The following WLS variants were observed in gnomAD, a reference collection of about 807,000 sequenced individuals.
WLS encodes protein wntless homolog.
WLS carries 23 observed loss-of-function variants against 62.8 expected under a neutral mutation model. That is an observed-to-expected ratio of 0.37 (90% CI 0.26 to 0.52). WLS has a LOEUF of 0.52. Among genes scored for constraint, WLS ranks in the 20% least tolerant of loss-of-function variants. The probability of loss-of-function intolerance (pLI) is 0.92; values close to 1 mark genes in which losing one functional copy is unlikely to be tolerated. For missense variants in WLS, 615 were observed against 697.3 expected, an observed-to-expected ratio of 0.88 and a Z score of 1.33; for synonymous variants, 246 against 244.1, an observed-to-expected ratio of 1.01 and a Z score of -0.07.
intron 2 of WLS, among the ~76,000 whole-genome samples, chr1:68,170,219 G>A (rs1448880095): frequency 7.2e-6 from 1 of 139,428 alleles, no homozygotes; most frequent in African/African-American, 2.7e-5. Context: ...AGGCTGGAGT[G>A]CAATGGCACG....
chr1:68,105,346 A>C (rs1646129048), intron 11 of WLS, among the ~76,000 whole-genome samples: 1 of 152,206 alleles, frequency 6.6e-6, no homozygotes, highest in Non-Finnish European at 1.5e-5. Context: ...TATGCTACTT[A>C]ATTGTTTTAA....
chr1:68,109,174 G>T (rs1214954030), intron 11 of WLS, among the ~76,000 whole-genome samples: 1 of 139,018 alleles, frequency 7.2e-6, no homozygotes, highest in Non-Finnish European at 1.6e-5. Flanking sequence ...TGTTAAAACT[G>T]CAATCAAAAG....
chr1:68,160,071 C>T (rs80236212), intron 2 of WLS, among the ~76,000 whole-genome samples: 311 of 93,518 alleles, frequency 3.3e-3, no homozygotes, highest in East Asian at 5.6e-3. Flanking sequence ...GCAGAGAAGT[C>T]TTTTTTTTTT....
intron 11 of WLS, among the ~76,000 whole-genome samples, chr1:68,135,126 ACTTT>A (rs1646587226): frequency 2.7e-5 from 2 of 74,928 alleles, no homozygotes; most frequent in Non-Finnish European, 6.4e-5. Flanking sequence ...ACAACCATGG[ACTTT>A]CTTTTCTTTT....
intron 11 of WLS, among the ~76,000 whole-genome samples, chr1:68,105,287 T>C (rs991326969): frequency 5.9e-5 from 9 of 152,210 alleles, no homozygotes; most frequent in African/African-American, 1.2e-4. Context: ...CTAACCTGAG[T>C]GCTTATACTT....
At chr1:68,162,225 C>T (rs796691304) in intron 2 of WLS, 1 of 1,488,756 alleles carries the variant, frequency 6.7e-7, no homozygotes, top group South Asian at 1.1e-5. Flanking sequence ...CCCCTCGTAT[C>T]CTGCCCTCCT....
At chr1:68,232,047 G>A (rs1487251592) in intron 1 of WLS, 147 bp downstream of exon 1, 10 of 1,097,290 alleles carry the variant, frequency 9.1e-6, no homozygotes, top group African/African-American at 3.2e-5. Context: ...GGAGCCCCAT[G>A]GAGCTCTGCT....
rs1646179541 is a variant in WLS at position 68,108,649 on chromosome 1, T to C, written c.1511-9896A>G. ...TCACCTTGATTCTTTTGAGATTTTT[T>C]TTCACTGATAATTGAATTTTTAATT... On this transcript the variant is annotated intron_variant, in intron 11 of 11. Coordinates refer to the WLS transcript ENST00000354777. Among the ~76,000 whole-genome samples, 3 of 152,210 alleles carry C rather than the reference T, an allele frequency of 2.0e-5. No homozygotes were observed. The South Asian group carries it at 6.2e-4, about 32-fold the overall frequency.
chr1:68,120,585 C>T (rs1646351515), downstream of WLS, among the ~76,000 whole-genome samples: 1 of 152,238 alleles, frequency 6.6e-6, no homozygotes, highest in Admixed American at 6.5e-5. Flanking sequence ...CTCTGAGTCT[C>T]ACTTCTTGTG....
intron 2 of WLS, chr1:68,162,395 G>A: frequency 6.2e-7 from 1 of 1,613,824 alleles, no homozygotes; most frequent in Non-Finnish European, 8.5e-7. Context: ...CTCTGATACA[G>A]CAAATCCTAC....
At chr1:68,167,071 G>C (rs2116048) in intron 2 of WLS, among the ~76,000 whole-genome samples, 2,196 of 152,252 alleles carry the variant, frequency 0.014, 51 homozygotes, top group African/African-American at 0.05. Context: ...TAGCAGACCT[G>C]GTTCCTTACC....
chr1:68,190,341 T>C (rs1233178537), intron 2 of WLS, among the ~76,000 whole-genome samples: 1 of 152,222 alleles, frequency 6.6e-6, no homozygotes, highest in Non-Finnish European at 1.5e-5. Context: ...GCCTCTAAGA[T>C]GGTCCTTAAT....
chr1:68,208,362 A>G (rs561490039), intron 1 of WLS, among the ~76,000 whole-genome samples: 2 of 151,836 alleles, frequency 1.3e-5, no homozygotes, highest in Non-Finnish European at 2.9e-5. Flanking sequence ...CTGCCCCCCG[A>G]TGAGGATTCA....
At chr1:68,179,084 G>A (rs1011903097) in intron 2 of WLS, among the ~76,000 whole-genome samples, 14 of 152,116 alleles carry the variant, frequency 9.2e-5, no homozygotes, top group Admixed American at 2.6e-4. Flanking sequence ...ACACAAGGTC[G>A]CATGTAACAA....
intron 1 of WLS, among the ~76,000 whole-genome samples, chr1:68,217,363 A>G (rs540169933): frequency 2.6e-5 from 4 of 152,332 alleles, no homozygotes; most frequent in South Asian, 4.1e-4. Context: ...TCGCTACCCA[A>G]TGAACACATA....
intron 11 of WLS, among the ~76,000 whole-genome samples, chr1:68,103,497 T>G (rs1646104833): frequency 6.6e-6 from 1 of 152,220 alleles, no homozygotes; most frequent in Admixed American, 6.5e-5. Flanking sequence ...ATTATGCAGT[T>G]CTTCTCTTCT....
intron 1 of WLS, chr1:68,203,052 T>C (rs1649109326): frequency 6.6e-6 from 1 of 152,268 alleles, no homozygotes; most frequent in Admixed American, 6.5e-5. Flanking sequence ...ACATTTGTTA[T>C]TTAAAATAAT....
chr1:68,202,969 A>G (rs1649105296), intron 1 of WLS: 1 of 152,334 alleles, frequency 6.6e-6, no homozygotes, highest in Admixed American at 6.5e-5. Flanking sequence ...GAAAATACCA[A>G]AATTAAATCT....
intron 1 of WLS, among the ~76,000 whole-genome samples, chr1:68,225,692 C>T (rs1027252320): frequency 3.3e-5 from 5 of 152,152 alleles, no homozygotes; most frequent in Admixed American, 2.0e-4. Flanking sequence ...ACAAACAAAA[C>T]TTCTCCGCAT....
Sources: allele counts gnomAD v4.1 joint callset (sites outside exome capture counted in the v4.1 genomes callset), GRCh38; gene constraint gnomAD v4.1.1; transcripts MANE v1.5; gene names NCBI Gene and HGNC (gene_info 2026-07-23, HGNC 2026-07-21).